CEBPZ: variants seen among roughly 807,000 people sequenced by gnomAD.
CEBPZ encodes the protein CCAAT/enhancer-binding protein zeta.
In CEBPZ, 78 loss-of-function variants were observed where a neutral mutation model predicts 104.5. That is an observed-to-expected ratio of 0.75 (90% CI 0.62 to 0.90). The LOEUF is 0.90. CEBPZ is among the 40% of genes least tolerant of loss of function. The pLI, the probability that CEBPZ is intolerant of heterozygous loss-of-function variation, is 0.00. For synonymous variants in CEBPZ, 470 were observed against 427.0 expected, an observed-to-expected ratio of 1.10 and a Z score of -1.24; for missense variants, 1,439 against 1,233.5, an observed-to-expected ratio of 1.17 and a Z score of -2.50.
At chr2:37,215,010 A>G in intron 8 of CEBPZ, 58 bp from the exon 9 acceptor site, 1 of 1,101,826 alleles carries the variant, frequency 9.1e-7, no homozygotes. Context: ...TATGTTACTC[A>G]AGCTCTTAAG....
At chr2:37,218,970 C>G (rs1664702339) in intron 5 of CEBPZ, among the ~76,000 whole-genome samples, 1 of 152,240 alleles carries the variant, frequency 6.6e-6, no homozygotes, top group South Asian at 2.1e-4. Context: ...CCACAACAAT[C>G]ACATTGTTAG....
rs56340587 is a variant in CEBPZ, at chr2:37,202,644, C to CAAAAAAAAAAAAAAAAAA, written c.3025+122_3025+139dup. The CAAAAAAAAAAAAAAAAAA allele has an allele frequency of 5.7e-5, 11 of 192,910 alleles. 1 individual carries two copies. Among genetic ancestry groups the CAAAAAAAAAAAAAAAAAA allele is most frequent in the Non-Finnish European group, 8.5e-5 (10 of 117,376 alleles). The allele number at this position is 192,910 out of a possible 1,614,324, so 11.9% of individuals were successfully genotyped here. On this transcript the variant is annotated intron_variant, in intron 15 of 15. Coordinates refer to ENST00000234170, the MANE Select transcript of CEBPZ (RefSeq NM_005760.3). ...TGGGCAAGGGAGTGAGACGCTGTCT[C>CAAAAAAAAAAAAAAAAAA]AAAAAAAAAAAAAAAAAAAAAAAAA...
At chr2:37,226,403 AAT>A (rs2148362101) in intron 2 of CEBPZ, among the ~76,000 whole-genome samples, 1 of 152,354 alleles carries the variant, frequency 6.6e-6, no homozygotes, top group East Asian at 1.9e-4. Flanking sequence ...TTAAGCACTT[AAT>A]ATACATAGAA....
At position 37,227,970 on chromosome 2, in the gene CEBPZ, GTC is replaced by G. The variant is rs1210706541; in HGVS notation, c.1221_1222del (p.Glu407AspfsTer5). 1.2e-6 allele frequency: 2 copies of G among 1,614,066 alleles called. No individual in the cohort carries two copies. Among genetic ancestry groups the G allele is most frequent in the African/African-American group, 2.7e-5 (2 of 74,920 alleles). Reference sequence around the variant, plus strand: ...CATATTGGGATGTTTACAAAGTAATGTCTCTAACAGATGGGATGCTTTTGTGG... The same window carrying G: ...CATATTGGGATGTTTACAAAGTAATGTCTAACAGATGGGATGCTTTTGTGG... On this transcript the variant is annotated frameshift_variant, in exon 2 of 16. Coordinates refer to ENST00000234170, the MANE Select transcript of CEBPZ (RefSeq NM_005760.3). LOFTEE classifies it high-confidence loss of function.
At position 37,223,356 on chromosome 2, in the gene CEBPZ, C is replaced by T; in HGVS notation, c.1695G>A (p.Met565Ile). The change falls in exon 3 of 16, where the codon ATG becomes ATA. Residue 565 changes from methionine (M) to isoleucine (I), a missense_variant. By Grantham distance (10) the Met-to-Ile change is conservative (BLOSUM62 1). Transcript: ENST00000234170. ...GAGATTTGTAGACAAGGTTAAGAAA[C>T]ATAGCTTGCTTGGAACACGTCATCA... ...PGLMTCSKQA[M>I]FLNLVYKSLK... 1.2e-6 allele frequency: 2 copies of T among 1,614,148 alleles called. No individual in the cohort carries two copies. Among genetic ancestry groups the T allele is most frequent in the African/African-American group, 2.7e-5 (2 of 75,046 alleles).
chr2:37,204,931 C>T (rs539741304), intron 13 of CEBPZ, among the ~76,000 whole-genome samples: 1 of 152,208 alleles, frequency 6.6e-6, no homozygotes, highest in African/African-American at 2.4e-5. Flanking sequence ...ATTCCTTTTA[C>T]CAGCATCTTT....
At chr2:37,211,801 TGAG>T in intron 12 of CEBPZ, 39 bp downstream of exon 12, 1 of 1,417,764 alleles carries the variant, frequency 7.1e-7, no homozygotes, top group South Asian at 1.4e-5. Context: ...GCTAAGGAAG[TGAG>T]GAAGACACAG....
chr2:37,224,518 T>C (rs983293137), intron 2 of CEBPZ, among the ~76,000 whole-genome samples: 1 of 152,102 alleles, frequency 6.6e-6, no homozygotes, highest in Non-Finnish European at 1.5e-5. Flanking sequence ...TTTGGTAATA[T>C]TCTGGGATAT....
At chr2:37,206,352 T>C (rs1295389865) in intron 13 of CEBPZ, among the ~76,000 whole-genome samples, 1 of 152,234 alleles carries the variant, frequency 6.6e-6, no homozygotes, top group African/African-American at 2.4e-5. Flanking sequence ...GAGTTCTAAA[T>C]CTTTGTTTTT....
At position 37,214,001 on chromosome 2, in the gene CEBPZ, G is replaced by C. The variant is rs779660801; in HGVS notation, c.2448-40C>G. On this transcript the variant is annotated intron_variant, in intron 9 of 15. Coordinates refer to ENST00000234170, the MANE Select transcript of CEBPZ (RefSeq NM_005760.3). ...TTATATATTTGACAATTTTATTAAA[G>C]GTCTAATCTTACTATATATCATCAA... 1.7e-5 allele frequency: 19 copies of C among 1,148,214 alleles called. No individual in the cohort carries two copies. The Admixed American group carries it at 5.8e-4, about 35-fold the overall frequency. 71.1% of individuals were successfully genotyped at this position (1,148,214 alleles called of 1,614,324 possible).
chr2:37,220,687 A>G (rs1664750358), intron 4 of CEBPZ, among the ~76,000 whole-genome samples: 1 of 152,188 alleles, frequency 6.6e-6, no homozygotes, highest in African/African-American at 2.4e-5. Context: ...TGTTTATCCC[A>G]AACACCAAAA....
rs1335398741 is a variant in CEBPZ at position 37,222,308 on chromosome 2, G to A, written c.2065+72C>T. ...AAATAAATAAATAAGTAAATAAAAT[G>A]GTAGAATGCTATTTTCTATGAAAAT... On this transcript the variant is annotated intron_variant, in intron 4 of 15. Transcript: ENST00000234170. The A allele has an allele frequency of 4.1e-6, 5 of 1,226,810 alleles. No homozygotes were observed. In the African/African-American group the frequency reaches 4.6e-5, roughly 11 times the overall value. The allele number at this position is 1,226,810 out of a possible 1,614,324, so 76.0% of individuals were successfully genotyped here.
At chr2:37,214,652 A>C (rs1407112639) in intron 9 of CEBPZ, among the ~76,000 whole-genome samples, 1 of 152,200 alleles carries the variant, frequency 6.6e-6, no homozygotes, top group Admixed American at 6.5e-5. Flanking sequence ...CGGATTTGTA[A>C]ATTTTCTTAA....
At chr2:37,217,552 C>T (rs1664647077) in intron 5 of CEBPZ, among the ~76,000 whole-genome samples, 1 of 152,146 alleles carries the variant, frequency 6.6e-6, no homozygotes, top group African/African-American at 2.4e-5. Context: ...TATCTACAGA[C>T]ACCTATGTTA....
intron 11 of CEBPZ, 33 bp from the exon 12 acceptor site, chr2:37,212,072 A>C (rs765916290): frequency 3.6e-5 from 55 of 1,541,160 alleles, no homozygotes; most frequent in Non-Finnish European, 4.8e-5. Flanking sequence ...ATACAAGAGG[A>C]GGCAGTATTT....
At chr2:37,212,112 G>A (rs1347465987) in intron 11 of CEBPZ, 73 bp from the exon 12 acceptor site, 19 of 1,287,922 alleles carry the variant, frequency 1.5e-5, no homozygotes, top group Non-Finnish European at 1.9e-5. Flanking sequence ...GACTACTAGG[G>A]CAGTAGGCTA....
Position 37,217,167 on chromosome 2 carries a change from G to A in CEBPZ, c.2155-130C>T, listed in dbSNP as rs1664624324. On this transcript the variant is annotated intron_variant, in intron 5 of 15. Coordinates refer to ENST00000234170, the MANE Select transcript of CEBPZ (RefSeq NM_005760.3). ...AATTCCAGCACTTTGGGAGGCTCAG[G>A]CAGGCAGATTGCTTGAGCCCAGAAG... is the stretch of plus-strand genomic sequence containing the variant. The A allele has an allele frequency of 2.2e-5, 15 of 683,906 alleles. No homozygotes were observed. In the South Asian group the frequency reaches 2.6e-4, roughly 12 times the overall value. The allele number at this position is 683,906 out of a possible 1,614,324, so 42.4% of individuals were successfully genotyped here.
At chr2:37,220,124 C>T (rs1203548467) in intron 5 of CEBPZ, among the ~76,000 whole-genome samples, 1 of 151,914 alleles carries the variant, frequency 6.6e-6, no homozygotes, top group Non-Finnish European at 1.5e-5. Context: ...CAAGACCATC[C>T]TGGCCAACAT....
intron 1 of CEBPZ, among the ~76,000 whole-genome samples, chr2:37,230,167 G>C (rs1665015703): frequency 6.6e-6 from 1 of 152,220 alleles, no homozygotes; most frequent in Non-Finnish European, 1.5e-5. Context: ...TGCAGCCATA[G>C]CAATGACACA....
Sources: allele counts gnomAD v4.1 joint callset (sites outside exome capture counted in the v4.1 genomes callset), GRCh38; gene constraint gnomAD v4.1.1; transcripts MANE v1.5; gene names NCBI Gene and HGNC (gene_info 2026-07-23, HGNC 2026-07-21).